ATP5MJ: variants seen among roughly 807,000 people sequenced by gnomAD.
ATP5MJ encodes ATP synthase F(0) complex subunit j, mitochondrial.
In ATP5MJ, 4 loss-of-function variants were observed where a neutral mutation model predicts 8.3. The ratio of observed to expected loss-of-function variants is 0.48; its 90% confidence interval spans 0.24 to 1.11. The LOEUF (loss-of-function observed/expected upper bound fraction) is 1.11, where lower values mean the gene tolerates loss of function less well. Ranked by LOEUF, ATP5MJ falls within the 50% of genes least tolerant of loss-of-function variation. The pLI is 0.18. For synonymous variants in ATP5MJ, 23 were observed against 21.3 expected, an observed-to-expected ratio of 1.08 and a Z score of -0.23; for missense variants, 66 against 71.8, an observed-to-expected ratio of 0.92 and a Z score of 0.29.
At chr14:103,915,950 T>C (rs1318418522) in intron 1 of ATP5MJ, among the ~76,000 whole-genome samples, 1 of 152,148 alleles carries the variant, frequency 6.6e-6, no homozygotes, top group Non-Finnish European at 1.5e-5. Context: ...GACTCTAATG[T>C]CTAAATCGAA....
At chr14:103,919,071 G>T (rs1054807374) in intron 1 of ATP5MJ, among the ~76,000 whole-genome samples, 2 of 151,906 alleles carry the variant, frequency 1.3e-5, no homozygotes, top group Non-Finnish European at 2.9e-5. Context: ...AGTGCCTAGT[G>T]CCTGGTACGG....
In ATP5MJ at chr14:103,919,825, AG is replaced by A. The variant is rs1329361628; in HGVS notation, c.-1+1644del. On this transcript the variant is annotated intron_variant, in intron 1 of 3. Transcript: ENST00000286953. Reference sequence around the variant, plus strand: ...CATGTTCCCAATACATAATAAAACGAGGGCCCCCCCTTTTTTTTTTTAGACA... The same window carrying A: ...CATGTTCCCAATACATAATAAAACGAGGCCCCCCCTTTTTTTTTTTAGACA... 1.9e-4 allele frequency among the ~76,000 whole-genome samples: 29 copies of A among 148,992 alleles called. No homozygotes were observed. The South Asian group carries it at 3.6e-3, about 19-fold the overall frequency.
At chr14:103,918,359 G>GT (rs36094054) in intron 1 of ATP5MJ, among the ~76,000 whole-genome samples, 20,830 of 147,896 alleles carry the variant, frequency 0.14, 1,785 homozygotes, top group South Asian at 0.2. Flanking sequence ...TGTTTCAGAG[G>GT]TTTTTTTTTT....
intron 3 of ATP5MJ, chr14:103,912,933 ACCT>A (rs2087592091): frequency 1.9e-6 from 1 of 524,846 alleles, no homozygotes; most frequent in Admixed American, 3.2e-5. Context: ...GCAGGGAAAC[ACCT>A]CCTCCTCAAA....
At chr14:103,918,646 C>G (rs546124284) in intron 1 of ATP5MJ, among the ~76,000 whole-genome samples, 10 of 152,176 alleles carry the variant, frequency 6.6e-5, no homozygotes, top group Admixed American at 2.0e-4. Flanking sequence ...AGGCGTGGGC[C>G]ACCAGGCTCA....
chr14:103,915,994 G>A (rs1306745508), intron 1 of ATP5MJ, among the ~76,000 whole-genome samples: 3 of 152,188 alleles, frequency 2.0e-5, no homozygotes, highest in Non-Finnish European at 1.5e-5. Flanking sequence ...TGTAATGAAT[G>A]TCGCATTCGA....
intron 3 of ATP5MJ, 175 bp from the exon 4 acceptor site, chr14:103,912,869 G>T (rs2236246): frequency 0.28 from 177,921 of 641,652 alleles, 27,182 homozygotes; most frequent in South Asian, 0.44. Context: ...AGTGCTTAAG[G>T]GTTCATGTAA....
chr14:103,921,122 A>T, intron 1 of ATP5MJ: 1 of 1,289,354 alleles, frequency 7.8e-7, no homozygotes, highest in Non-Finnish European at 1.1e-6. Context: ...ATGTGGAGTC[A>T]GAGTTCTTGG....
chr14:103,919,274 G>A (rs1422585946), intron 1 of ATP5MJ, among the ~76,000 whole-genome samples: 2 of 150,860 alleles, frequency 1.3e-5, no homozygotes, highest in African/African-American at 4.9e-5. Flanking sequence ...CCAGCTACTC[G>A]GGAGGCTGAG....
At chr14:103,914,249 C>T in intron 2 of ATP5MJ, 1 of 564,028 alleles carries the variant, frequency 1.8e-6, no homozygotes, top group Non-Finnish European at 3.1e-6. Context: ...TCTCTTTTCT[C>T]TTTGTAATCA....
At chr14:103,921,057 G>C (rs2087674362) in intron 1 of ATP5MJ, 3 of 1,549,462 alleles carry the variant, frequency 1.9e-6, no homozygotes, top group Non-Finnish European at 2.6e-6. Context: ...ACAGCATAAC[G>C]TGGAGGGCAG....
chr14:103,914,856 AAG>A (rs1555454099), intron 2 of ATP5MJ: 213 of 423,504 alleles, frequency 5.0e-4, no homozygotes, highest in South Asian at 1.3e-3. Context: ...AAAAAAAAAA[AAG>A]AAAAGAAAAG....
At position 103,915,077 on chromosome 14, in the gene ATP5MJ, A is replaced by C; in HGVS notation, c.113T>G (p.Ile38Ser). The C allele has an allele frequency of 6.2e-7, 1 of 1,614,026 alleles. No homozygotes were observed. The highest frequency in any genetic ancestry group is 8.5e-7 in the Non-Finnish European group (1 of 1,180,014). The change falls in exon 2 of 4, where the codon ATC becomes AGC. Residue 38 changes from isoleucine to serine, a missense_variant. Ile to Ser is a moderately radical substitution (Grantham distance 142). Transcript: ENST00000286953. ...ATAAGGAAACGTACCAGCAGCCCGG[A>C]TTTTATAAACGATGAAGCCCATCAG... is the stretch of plus-strand genomic sequence containing the variant. ...MGLMGFIVYK[I>S]RAADKRSKAL... is the part of the protein sequence containing the mutation.
At chr14:103,914,858 G>GAAAGAAAAAAAA in intron 2 of ATP5MJ, 1 of 322,754 alleles carries the variant, frequency 3.1e-6, no homozygotes, top group Non-Finnish European at 5.1e-6. Flanking sequence ...AAAAAAAAAA[G>GAAAGAAAAAAAA]AAAAGAAAAG....
intron 1 of ATP5MJ, chr14:103,918,221 T>C (rs17101932): frequency 0.029 from 4,369 of 152,322 alleles, 130 homozygotes; most frequent in African/African-American, 0.075. Context: ...GTGAATCCCT[T>C]GTCTCTCAGC....
At chr14:103,914,837 C>CAAAAAAAAAAAAAAAAAAAAAAAA (rs35916279) in intron 2 of ATP5MJ, 31 of 191,068 alleles carry the variant, frequency 1.6e-4, no homozygotes, top group South Asian at 3.3e-4. Context: ...AGACTGTCTC[C>CAAAAAAAAAAAAAAAAAAAAAAAA]AAAAAAAAAA....
Position 103,920,284 on chromosome 14 carries a change from C to A in ATP5MJ, c.-1+1186G>T, listed in dbSNP as rs937743078. 2.0e-5 allele frequency among the ~76,000 whole-genome samples: 3 copies of A among 150,488 alleles called. No homozygotes were observed. In the East Asian group the frequency reaches 5.9e-4, roughly 29 times the overall value. On this transcript the variant is annotated intron_variant, in intron 1 of 3. Transcript: ENST00000286953. The stretch of plus-strand genomic sequence containing the variant: ...GGAAGCTGGGACTACAGGCGCGTGC[C>A]ACCACACTGGGCTAATTTTTTGTAT...
At chr14:103,921,003 G>C in intron 1 of ATP5MJ, 1 of 1,551,662 alleles carries the variant, frequency 6.4e-7, no homozygotes, top group East Asian at 2.4e-5. Flanking sequence ...AGCACCGTAT[G>C]ATCTCTTTTC....
At chr14:103,920,759 C>T (rs1327528961) in intron 1 of ATP5MJ, among the ~76,000 whole-genome samples, 2 of 152,310 alleles carry the variant, frequency 1.3e-5, no homozygotes, top group East Asian at 1.9e-4. Flanking sequence ...CGTGAACCAC[C>T]GCGCCCGGCC....
Sources: gnomAD v4.1 joint callset for allele counts (sites outside exome capture counted in the v4.1 genomes callset) on GRCh38, gnomAD v4.1.1 for gene constraint, MANE v1.5 for transcripts, NCBI Gene and HGNC (gene_info 2026-07-23, HGNC 2026-07-21) for gene names.